MANBA: variants seen among roughly 807,000 people sequenced by gnomAD.
MANBA encodes the protein mannosidase beta, also known as beta-mannosidase.
In MANBA, 83 loss-of-function variants were observed where a neutral mutation model predicts 111.1. That is an observed-to-expected ratio of 0.75 (90% CI 0.63 to 0.90). The LOEUF (loss-of-function observed/expected upper bound fraction) is 0.90, where lower values mean the gene tolerates loss of function less well. MANBA is among the 40% of genes least tolerant of loss of function. MANBA has a pLI of 0.00. For missense variants in MANBA, 1,036 were observed against 1,069.0 expected (o/e 0.97, Z 0.43); for synonymous variants, 370 against 378.7 (o/e 0.98, Z 0.27).
intron 8 of MANBA, among the ~76,000 whole-genome samples, chr4:102,673,671 A>G (rs925761853): frequency 1.3e-5 from 2 of 152,228 alleles, no homozygotes; most frequent in South Asian, 2.1e-4. Context: ...ATAAACATAT[A>G]ATAGTTTTCT....
At chr4:102,640,469 G>A (rs553299758) in intron 13 of MANBA, among the ~76,000 whole-genome samples, 2 of 152,162 alleles carry the variant, frequency 1.3e-5, no homozygotes, top group African/African-American at 2.4e-5. Flanking sequence ...TTTAGTTCTT[G>A]TTTAAGAGAC....
intron 4 of MANBA, among the ~76,000 whole-genome samples, chr4:102,715,508 T>C (rs1441352537): frequency 6.6e-6 from 1 of 152,196 alleles, no homozygotes; most frequent in African/African-American, 2.4e-5. Flanking sequence ...TTTTTTAACT[T>C]TTAAGTTCAG....
At chr4:102,741,422 C>G (rs981123066) in intron 1 of MANBA, among the ~76,000 whole-genome samples, 4 of 152,152 alleles carry the variant, frequency 2.6e-5, no homozygotes, top group Admixed American at 2.0e-4. Context: ...ATTGATCCAG[C>G]AATCCCACTA....
intron 7 of MANBA, among the ~76,000 whole-genome samples, chr4:102,674,274 A>C (rs1364146865): frequency 6.6e-6 from 1 of 152,196 alleles, no homozygotes; most frequent in Non-Finnish European, 1.5e-5. Flanking sequence ...TTTCTCTTTT[A>C]AAAGAGAAAT....
intron 5 of MANBA, among the ~76,000 whole-genome samples, chr4:102,711,579 C>T (rs997937847): frequency 6.6e-6 from 1 of 152,068 alleles, no homozygotes; most frequent in Non-Finnish European, 1.5e-5. Flanking sequence ...AGAGTCATTA[C>T]CATACAATCC....
chr4:102,733,061 A>T (rs1723087112), intron 1 of MANBA, among the ~76,000 whole-genome samples: 1 of 152,176 alleles, frequency 6.6e-6, no homozygotes, highest in Non-Finnish European at 1.5e-5. Flanking sequence ...ACACAAACAT[A>T]ATTTATAGGT....
In MANBA at chr4:102,704,547, T is replaced by C. The variant is rs181000067; in HGVS notation, c.673+9891A>G. Among the ~76,000 whole-genome samples the C allele has an allele frequency of 1.6e-4, 24 of 151,778 alleles. No homozygotes were observed. The East Asian group carries it at 3.3e-3, about 21-fold the overall frequency. The stretch of plus-strand genomic sequence containing the variant: ...CATTTTATTTTAAATAAAAATTATA[T>C]GTACCTTTTTTTATTATGAACTAAG... On this transcript the variant is annotated intron_variant, in intron 5 of 16. Coordinates refer to ENST00000647097, the MANE Select transcript of MANBA (RefSeq NM_005908.4).
chr4:102,660,852 T>C (rs564414444), intron 11 of MANBA, among the ~76,000 whole-genome samples: 1 of 151,720 alleles, frequency 6.6e-6, no homozygotes, highest in East Asian at 1.9e-4. Flanking sequence ...TTAGTTGTTA[T>C]AACTGGTTTC....
intron 1 of MANBA, among the ~76,000 whole-genome samples, chr4:102,748,373 A>G (rs1168733325): frequency 1.3e-5 from 2 of 152,168 alleles, no homozygotes; most frequent in Non-Finnish European, 2.9e-5. Context: ...TATTACATGT[A>G]CTGATCTGAA....
At chr4:102,735,728 A>G (rs1003263574) in intron 1 of MANBA, among the ~76,000 whole-genome samples, 9 of 152,196 alleles carry the variant, frequency 5.9e-5, no homozygotes, top group African/African-American at 2.2e-4. Context: ...AAGCAAACCC[A>G]TGAACCCTAA....
chr4:102,726,684 C>T lies in MANBA; in HGVS notation c.178-1G>A. 8 of 1,430,850 alleles carry T rather than the reference C, an allele frequency of 5.6e-6. No individual in the cohort carries two copies. Among genetic ancestry groups the T allele is most frequent in the Non-Finnish European group, 7.9e-6 (8 of 1,013,972 alleles). The allele number at this position is 1,430,850 out of a possible 1,614,324, so 88.6% of individuals were successfully genotyped here. ...GGTCATTAAATCTGTAGTAAGAATCCTGTTGATACAAGGTAAAAATTATGG... is the reference window on the plus strand; with the variant it reads ...GGTCATTAAATCTGTAGTAAGAATCTTGTTGATACAAGGTAAAAATTATGG... On this transcript the variant is annotated splice_acceptor_variant, in intron 1 of 16. Coordinates refer to ENST00000647097, the MANE Select transcript of MANBA (RefSeq NM_005908.4). LOFTEE classifies it high-confidence loss of function.
chr4:102,656,712 C>T (rs111999020), intron 12 of MANBA, among the ~76,000 whole-genome samples: 4 of 152,062 alleles, frequency 2.6e-5, no homozygotes, highest in Admixed American at 1.3e-4. Flanking sequence ...ATAAACAAAA[C>T]GTAGTGTATA....
At chr4:102,667,831 G>A (rs984435395) in intron 10 of MANBA, 1 of 152,130 alleles carries the variant, frequency 6.6e-6, no homozygotes, top group Non-Finnish European at 1.5e-5. Context: ...TGAGGTTACC[G>A]AGAAAATGGA....
intron 5 of MANBA, among the ~76,000 whole-genome samples, chr4:102,713,568 T>C (rs990287316): frequency 6.6e-6 from 1 of 152,258 alleles, no homozygotes; most frequent in African/African-American, 2.4e-5. Context: ...TGATATTGAA[T>C]AGTTGCTTCA....
Position 102,636,002 on chromosome 4 carries a change from C to T in MANBA, c.2020G>A (p.Gly674Arg), listed in dbSNP as rs536225833. ...QAPSWASLEY[G>R]GKWKMLHYFA... ...TAATGAAGCATTTTCCACTTTCCTC[C>T]GTACTCTGAAAATAATCAAGAGTGT... Residue 674 changes from glycine (G) to arginine (R), a missense_variant, in exon 15 of 17, where the codon GGA (glycine) becomes AGA (arginine). Coordinates refer to ENST00000647097, the MANE Select transcript of MANBA (RefSeq NM_005908.4). The T allele has an allele frequency of 8.1e-6, 13 of 1,613,518 alleles. No individual in the cohort carries two copies. The highest frequency in any genetic ancestry group is 5.3e-5 in the African/African-American group (4 of 75,010).
rs142033297 is a variant in MANBA, at chr4:102,749,753, C to T, written c.177+10965G>A. Among the ~76,000 whole-genome samples the T allele has an allele frequency of 6.5e-3, 982 of 152,088 alleles. 5 individuals are homozygous for T. Among genetic ancestry groups the T allele is most frequent in the Non-Finnish European group, 9.4e-3 (641 of 67,990 alleles). On this transcript the variant is annotated intron_variant, in intron 1 of 16. Transcript: ENST00000647097. ...TATGAACAAGTGCACATGAAAGGGC[C>T]AAGAAAAGTGCATCACACGTGGAAG...
At chr4:102,645,148 TG>T (rs1406673319) in intron 13 of MANBA, among the ~76,000 whole-genome samples, 2 of 152,076 alleles carry the variant, frequency 1.3e-5, no homozygotes, top group African/African-American at 4.8e-5. Flanking sequence ...TTTACTAATA[TG>T]GTTTATTATA....
chr4:102,708,056 A>C (rs1733383619), intron 5 of MANBA, among the ~76,000 whole-genome samples: 1 of 152,142 alleles, frequency 6.6e-6, no homozygotes, highest in Admixed American at 6.6e-5. Flanking sequence ...CAATACAATA[A>C]TAGTGGGGGA....
rs199572009 is a variant in MANBA at position 102,760,838 on chromosome 4, C to T, written c.57G>A (p.Ala19=). 2 of 1,570,164 alleles carry T rather than the reference C, an allele frequency of 1.3e-6. No individual in the cohort carries two copies. Among genetic ancestry groups the T allele is most frequent in the African/African-American group, 1.3e-5 (1 of 74,226 alleles). Residue 19 remains alanine, a synonymous_variant, in exon 1 of 17, where the codon GCG becomes GCA. Transcript: ENST00000647097. ...LALCGAGTTA[A]ELSYSLRGNW... ...TGCCACGCAAGCTGTAACTGAGCTC[C>T]GCGGCGGTGGTGCCTGCACCGCACA...
Sources: gnomAD v4.1 joint callset for allele counts (sites outside exome capture counted in the v4.1 genomes callset) on GRCh38, gnomAD v4.1.1 for gene constraint, MANE v1.5 for transcripts, NCBI Gene and HGNC (gene_info 2026-07-23, HGNC 2026-07-21) for gene names.